RAB25: variants seen among roughly 807,000 people sequenced by gnomAD.
RAB25 encodes ras-related protein Rab-25.
A neutral mutation model predicts 25.2 loss-of-function variants in RAB25; 23 were observed. The ratio of observed to expected loss-of-function variants is 0.91; its 90% CI spans 0.66 to 1.29. RAB25 has a LOEUF of 1.29. Ranked by LOEUF, RAB25 falls within the 50% of genes most tolerant of loss-of-function variation. RAB25 has a pLI of 0.00. For missense variants in RAB25, 244 were observed against 277.3 expected, an observed-to-expected ratio of 0.88 and a Z score of 0.85; for synonymous variants, 102 against 111.5, an observed-to-expected ratio of 0.91 and a Z score of 0.54.
Position 156,070,179 on chromosome 1 carries a change from C to T in RAB25, c.534C>T (p.Ser178=), listed in dbSNP as rs377330647. The part of the protein sequence containing the change: ...TVLKEIFAKV[S]KQRQNSIRTN... ...TCCCAGAAATCTTTGCGAAGGTGTC[C>T]AAGCAGAGACAGAACAGCATCCGGA... The change falls in exon 5 of 5, where the codon TCC becomes TCT. Residue 178 remains serine, a synonymous_variant. Transcript: ENST00000361084. The T allele has an allele frequency of 4.3e-6, 7 of 1,613,908 alleles. No homozygotes were observed. In the African/African-American group the frequency reaches 8.0e-5, roughly 18 times the overall value.
intron 3 of RAB25, among the ~76,000 whole-genome samples, chr1:156,069,036 A>G (rs1353894920): frequency 6.6e-6 from 1 of 151,804 alleles, no homozygotes; most frequent in Non-Finnish European, 1.5e-5. Flanking sequence ...CAAAGATCCT[A>G]TGGAGAGGAT....
intron 1 of RAB25, among the ~76,000 whole-genome samples, chr1:156,064,724 T>G (rs1647692064): frequency 6.6e-6 from 1 of 152,178 alleles, no homozygotes; most frequent in Non-Finnish European, 1.5e-5. Context: ...CAAGGAACTT[T>G]TAAAGTTGGA....
chr1:156,064,031 C>T (rs1647668145), intron 1 of RAB25, among the ~76,000 whole-genome samples: 1 of 152,138 alleles, frequency 6.6e-6, no homozygotes, highest in African/African-American at 2.4e-5. Context: ...ATTCCCTTGC[C>T]CTAAGCACCT....
At chr1:156,063,076 AG>A (rs751188098) in intron 1 of RAB25, among the ~76,000 whole-genome samples, 4 of 145,848 alleles carry the variant, frequency 2.7e-5, no homozygotes, top group Admixed American at 6.8e-5. Context: ...AAAAAAAAAA[AG>A]TATTGAGGGT....
chr1:156,062,160 C>T (rs886115817), intron 1 of RAB25, among the ~76,000 whole-genome samples: 8 of 152,050 alleles, frequency 5.3e-5, no homozygotes, highest in Admixed American at 1.3e-4. Context: ...GTACAGGGAA[C>T]GAGAGAAAGG....
At chr1:156,064,625 G>C (rs1239802369) in intron 1 of RAB25, among the ~76,000 whole-genome samples, 1 of 152,108 alleles carries the variant, frequency 6.6e-6, no homozygotes, top group African/African-American at 2.4e-5. Context: ...GTGTTACCCA[G>C]GGTGGTCTCA....
chr1:156,067,815 C>T (rs1041236286), intron 2 of RAB25, among the ~76,000 whole-genome samples: 10 of 152,146 alleles, frequency 6.6e-5, no homozygotes, highest in East Asian at 1.9e-4. Context: ...TGCAATGGAG[C>T]GATCTCAGAT....
rs772340696 is a variant in RAB25 at position 156,061,384 on chromosome 1, C to A, written c.-17C>A. ...CTCTGTCCCCGAAGACACCTGCACC[C>A]TCCATGCGGAGCCAAGATGGGGAAT... is the stretch of plus-strand genomic sequence containing the variant. On this transcript the variant is annotated 5_prime_UTR_variant, in exon 1 of 5. Transcript: ENST00000361084. 1 of 1,613,898 alleles carries A rather than the reference C, an allele frequency of 6.2e-7. No homozygotes were observed.
At chr1:156,068,590 C>G (rs542819204) in intron 3 of RAB25, 127 bp downstream of exon 3, 1 of 791,920 alleles carries the variant, frequency 1.3e-6, no homozygotes, top group East Asian at 2.7e-5. Context: ...TCCTCTACCC[C>G]ATCCCCTCTT....
At chr1:156,069,942 G>A in intron 4 of RAB25, 191 bp downstream of exon 4, 9 of 851,584 alleles carry the variant, frequency 1.1e-5, no homozygotes, top group Non-Finnish European at 1.3e-5. Context: ...GGAGGGAACA[G>A]GCCACACTCC....
intron 1 of RAB25, among the ~76,000 whole-genome samples, chr1:156,062,548 A>C (rs1647615949): frequency 6.6e-6 from 1 of 152,014 alleles, no homozygotes; most frequent in Non-Finnish European, 1.5e-5. Flanking sequence ...AACCTGTACT[A>C]CTGGCATCTT....
Position 156,066,031 on chromosome 1 carries a change from T to C in RAB25, c.164T>C (p.Met55Thr), listed in dbSNP as rs1572293022. The change falls in exon 2 of 5, where the codon ATG becomes ACG. Residue 55 changes from methionine to threonine, a missense_variant. Coordinates refer to ENST00000361084, the MANE Select transcript of RAB25 (RefSeq NM_020387.4). ...GTTGAGTTCTCCACCCGCACTGTGA[T>C]GTTGGGCACCGCTGCTGTCAAGGCT... ...IGVEFSTRTVMLGTAAVKAQI... is the reference protein window; with the variant it reads ...IGVEFSTRTVTLGTAAVKAQI... The C allele has an allele frequency of 1.2e-6, 2 of 1,613,648 alleles. No individual in the cohort carries two copies. The highest frequency in any genetic ancestry group is 1.7e-6 in the Non-Finnish European group (2 of 1,179,718).
chr1:156,069,861 T>C (rs1647856466), intron 4 of RAB25, 110 bp downstream of exon 4: 1 of 1,046,044 alleles, frequency 9.6e-7, no homozygotes, highest in Non-Finnish European at 1.5e-6. Context: ...TCAGCTCCTC[T>C]GTGGGTCCTG....
chr1:156,067,455 A>G (rs1647775777), intron 2 of RAB25, among the ~76,000 whole-genome samples: 1 of 152,244 alleles, frequency 6.6e-6, no homozygotes, highest in Admixed American at 6.5e-5. Context: ...GTCTGAAGAC[A>G]TCCCATCCAA....
Position 156,070,253 on chromosome 1 carries a change from C to A in RAB25, c.608C>A (p.Pro203His), listed in dbSNP as rs757272812. 6.2e-7 allele frequency: 1 copy of A among 1,614,054 alleles called. No homozygotes were observed. The highest frequency in any genetic ancestry group is 1.1e-5 in the South Asian group (1 of 91,086). ...GSAQAGQEPG[P>H]GEKRACCISL ...GCCCAGGCTGGACAGGAGCCTGGCC[C>A]TGGGGAGAAGAGGGCCTGTTGCATC... The change falls in exon 5 of 5, where the codon CCT becomes CAT. Residue 203 changes from proline (P) to histidine (H), a missense_variant. Pro to His is a moderately conservative substitution (Grantham distance 77, BLOSUM62 -2). Transcript: ENST00000361084.
chr1:156,061,214 C>G lies in RAB25; in HGVS notation c.-187C>G, dbSNP rs1228565660. ...AGCACCCCCACCTGCCAGAGCTGAT[C>G]CTCCCTAGGCCCTGCCTAACCTTGA... On this transcript the variant is annotated 5_prime_UTR_variant, in exon 1 of 5. It adds an upstream start codon to the 5' untranslated region. Coordinates refer to ENST00000361084, the MANE Select transcript of RAB25 (RefSeq NM_020387.4). The G allele has an allele frequency of 1.7e-6, 1 of 604,074 alleles. No individual in the cohort carries two copies. The highest frequency in any genetic ancestry group is 2.8e-5 in the East Asian group (1 of 35,830). The allele number at this position is 604,074 out of a possible 1,614,324, so 37.4% of individuals were successfully genotyped here.
intron 1 of RAB25, among the ~76,000 whole-genome samples, chr1:156,065,128 T>C (rs1647702454): frequency 6.6e-6 from 1 of 152,214 alleles, no homozygotes; most frequent in Admixed American, 6.5e-5. Flanking sequence ...ATACCAGTCA[T>C]GATTTTTACA....
intron 2 of RAB25, 103 bp downstream of exon 2, chr1:156,066,209 A>T: frequency 3.2e-5 from 26 of 819,092 alleles, no homozygotes; most frequent in Middle Eastern, 4.1e-4. Context: ...GGGGCTCAGC[A>T]GTGGGCTCTG....
chr1:156,067,006 C>T (rs1320157853), intron 2 of RAB25, among the ~76,000 whole-genome samples: 1 of 151,698 alleles, frequency 6.6e-6, no homozygotes, highest in African/African-American at 2.4e-5. Context: ...GAGGCCGAGG[C>T]GGGCAGATCA....
Sources: allele counts gnomAD v4.1 joint callset (sites outside exome capture counted in the v4.1 genomes callset), GRCh38; gene constraint gnomAD v4.1.1; transcripts MANE v1.5; gene names NCBI Gene and HGNC (gene_info 2026-07-23, HGNC 2026-07-21).